NEK5: variants seen among roughly 807,000 people sequenced by gnomAD.
The protein encoded by NEK5 is serine/threonine-protein kinase Nek5.
In NEK5, 88 loss-of-function variants were observed where a neutral mutation model predicts 109.2. The observed-to-expected ratio is 0.81, with a 90% CI of 0.68 to 0.96. The LOEUF is 0.96. Ranked by LOEUF, NEK5 falls within the 40% of genes least tolerant of loss-of-function variation. The pLI is 0.00. For synonymous variants in NEK5, 283 were observed against 299.9 expected (o/e 0.94, Z 0.58); for missense variants, 834 against 920.7 (o/e 0.91, Z 1.22).
At chr13:52,126,934 C>T (rs1956074929) in intron 3 of NEK5, among the ~76,000 whole-genome samples, 1 of 152,150 alleles carries the variant, frequency 6.6e-6, no homozygotes, top group African/African-American at 2.4e-5. Flanking sequence ...AAGTGCACCA[C>T]AGAGAAAAGT....
chr13:52,049,142 G>A (rs910789806), intron 23 of NEK5, among the ~76,000 whole-genome samples: 7 of 151,960 alleles, frequency 4.6e-5, no homozygotes, highest in African/African-American at 1.7e-4. Flanking sequence ...TAATTTTTAG[G>A]ACAAGTGCAG....
intron 9 of NEK5, 146 bp from the exon 10 acceptor site, chr13:52,102,438 A>C (rs1039493364): frequency 1.5e-6 from 1 of 683,988 alleles, no homozygotes; most frequent in African/African-American, 1.8e-5. Context: ...CTGTAATCCC[A>C]GCAATTTGGG....
At chr13:52,054,155 T>C (rs1004335506) in intron 22 of NEK5, among the ~76,000 whole-genome samples, 2 of 152,340 alleles carry the variant, frequency 1.3e-5, no homozygotes, top group South Asian at 2.1e-4. Flanking sequence ...AAAACGTCCA[T>C]GTATTAACCT....
chr13:52,041,249 A>G (rs544625282), intron 23 of NEK5, among the ~76,000 whole-genome samples: 16 of 152,340 alleles, frequency 1.1e-4, no homozygotes, highest in Admixed American at 9.2e-4. Flanking sequence ...GAGGATTTTG[A>G]TAAGTCTCCT....
At chr13:52,057,463 C>T (rs201746664) in intron 22 of NEK5, among the ~76,000 whole-genome samples, 13,700 of 150,576 alleles carry the variant, frequency 0.091, 577 homozygotes, top group Middle Eastern at 0.12. Flanking sequence ...CCAGCATCAT[C>T]CTGATACCAA....
At chr13:52,063,177 AT>A (rs2137746851) in intron 21 of NEK5, among the ~76,000 whole-genome samples, 1 of 151,982 alleles carries the variant, frequency 6.6e-6, no homozygotes, top group East Asian at 1.9e-4. Context: ...TCCCTGCCTG[AT>A]TCTCCTGCCT....
At chr13:52,087,981 A>T (rs1356184263) in intron 14 of NEK5, among the ~76,000 whole-genome samples, 1 of 145,810 alleles carries the variant, frequency 6.9e-6, no homozygotes, top group Non-Finnish European at 1.5e-5. Context: ...AGGCTGGAGT[A>T]CAGTGGCGCA....
chr13:52,033,787 C>T lies in NEK5; in HGVS notation c.*3161G>A, dbSNP rs1378638894. 1 of 151,964 alleles carries T rather than the reference C, an allele frequency of 6.6e-6. No individual in the cohort carries two copies. The highest frequency in any genetic ancestry group is 1.5e-5 in the Non-Finnish European group (1 of 67,998). 9.4% of individuals were successfully genotyped at this position (151,964 alleles called of 1,614,324 possible). On this transcript the variant is annotated 3_prime_UTR_variant, in exon 24 of 24. Transcript: ENST00000684899. ...AATACTTGTGTTTATGTAAATATAC[C>T]CCAGAGTCCAAAACTCTGATATATT...
At chr13:52,099,170 A>G (rs920388535) in intron 12 of NEK5, among the ~76,000 whole-genome samples, 2 of 152,178 alleles carry the variant, frequency 1.3e-5, no homozygotes, top group Non-Finnish European at 2.9e-5. Context: ...AACATCTCAT[A>G]TACCCCATAA....
At position 52,064,108 on chromosome 13, in the gene NEK5, G is replaced by A. The variant is rs1162185189; in HGVS notation, c.1975+1376C>T. 5.5e-3 allele frequency among the ~76,000 whole-genome samples: 791 copies of A among 142,622 alleles called. 2 individuals are homozygous for A. The highest frequency in any genetic ancestry group is 0.019 in the African/African-American group (713 of 38,020). 93.6% of individuals were successfully genotyped at this position (142,622 alleles called of 152,430 possible). On this transcript the variant is annotated intron_variant, in intron 21 of 23. Transcript: ENST00000684899. ...CATCCGGGAGGTGAGGGGTGCCTCT[G>A]CCCGGCCGCCCCTACTGGGAAGTCA...
chr13:52,085,680 T>G (rs1955127830), intron 16 of NEK5, among the ~76,000 whole-genome samples: 1 of 152,128 alleles, frequency 6.6e-6, no homozygotes, highest in Non-Finnish European at 1.5e-5. Context: ...TACAACATGG[T>G]TTCCAAACAC....
chr13:52,058,243 A>C (rs1954579787), intron 22 of NEK5, among the ~76,000 whole-genome samples: 1 of 140,108 alleles, frequency 7.1e-6, no homozygotes, highest in Non-Finnish European at 1.5e-5. Context: ...TCCAACTTAC[A>C]AGGGATGTGA....
intron 3 of NEK5, among the ~76,000 whole-genome samples, chr13:52,121,950 T>TA (rs1027810665): frequency 6.6e-6 from 1 of 151,596 alleles, no homozygotes; most frequent in African/African-American, 2.4e-5. Context: ...TTTTTTTTTT[T>TA]AAGACAGAGT....
At chr13:52,083,662 A>C (rs1468189632) in intron 16 of NEK5, among the ~76,000 whole-genome samples, 1 of 151,580 alleles carries the variant, frequency 6.6e-6, no homozygotes, top group Admixed American at 6.6e-5. Context: ...TTAGCCTCCC[A>C]AGTAGCTGGG....
intron 23 of NEK5, among the ~76,000 whole-genome samples, chr13:52,046,763 T>G (rs1331823196): frequency 6.6e-6 from 1 of 151,680 alleles, no homozygotes; most frequent in African/African-American, 2.4e-5. Flanking sequence ...CTTTGTTTTA[T>G]AAAATAATTG....
At chr13:52,071,222 C>A (rs1478895254) in intron 20 of NEK5, among the ~76,000 whole-genome samples, 1 of 152,114 alleles carries the variant, frequency 6.6e-6, no homozygotes, top group Non-Finnish European at 1.5e-5. Context: ...AGGGAGGGGT[C>A]CCAGGTTGGG....
At chr13:52,048,956 G>A (rs911366151) in intron 23 of NEK5, among the ~76,000 whole-genome samples, 2 of 152,092 alleles carry the variant, frequency 1.3e-5, no homozygotes, top group Non-Finnish European at 2.9e-5. Flanking sequence ...TTGTATACTT[G>A]AAAATTGCTG....
chr13:52,090,004 G>A (rs1022802197), intron 13 of NEK5, among the ~76,000 whole-genome samples: 1 of 152,022 alleles, frequency 6.6e-6, no homozygotes, highest in African/African-American at 2.4e-5. Context: ...AAAAAGAATG[G>A]CTGCATATCT....
intron 22 of NEK5, among the ~76,000 whole-genome samples, chr13:52,059,817 C>T (rs1433627879): frequency 1.0e-4 from 10 of 96,390 alleles, no homozygotes; most frequent in East Asian, 3.1e-4. Flanking sequence ...GGTGGGGGGA[C>T]GGGGGAGGGA....
Sources: gnomAD v4.1 joint callset for allele counts (sites outside exome capture counted in the v4.1 genomes callset) on GRCh38, gnomAD v4.1.1 for gene constraint, MANE v1.5 for transcripts, NCBI Gene and HGNC (gene_info 2026-07-23, HGNC 2026-07-21) for gene names.